The following PVT1 variants were observed in gnomAD, a reference collection of about 807,000 sequenced individuals.
PVT1 encodes the protein CXCR4/PVT1 fusion.
At chr8:127,897,657 G>C (rs964190498) in intron 3 of PVT1, among the ~76,000 whole-genome samples, 1 of 144,692 alleles carries the variant, frequency 6.9e-6, no homozygotes, top group African/African-American at 2.6e-5. Flanking sequence ...AAGACAGGAA[G>C]GAAGGAAGAA....
chr8:128,030,430 TA>T (rs1563670185), intron 4 of PVT1, among the ~76,000 whole-genome samples: 1 of 152,210 alleles, frequency 6.6e-6, no homozygotes, highest in Non-Finnish European at 1.5e-5. Flanking sequence ...TTTTTTCTGT[TA>T]GGGAATTTTT....
At chr8:127,926,754 C>A (rs1053440193) in intron 3 of PVT1, among the ~76,000 whole-genome samples, 2 of 152,206 alleles carry the variant, frequency 1.3e-5, no homozygotes, top group African/African-American at 4.8e-5. Flanking sequence ...GCAACACGTT[C>A]CCTTTCCTGA....
At chr8:128,072,564 A>C (rs769432136) in intron 5 of PVT1, among the ~76,000 whole-genome samples, 23 of 152,180 alleles carry the variant, frequency 1.5e-4, no homozygotes, top group Non-Finnish European at 2.5e-4. Flanking sequence ...ACACTGACAA[A>C]AAGTCTAAGA....
intron 2 of PVT1, among the ~76,000 whole-genome samples, chr8:127,798,131 G>A (rs981406786): frequency 1.3e-5 from 2 of 150,644 alleles, no homozygotes; most frequent in Admixed American, 6.6e-5. Context: ...GGTGAAACCC[G>A]GTCTCTACTA....
chr8:128,097,418 T>C (rs1814443332), intron 6 of PVT1, among the ~76,000 whole-genome samples: 2 of 152,144 alleles, frequency 1.3e-5, no homozygotes, highest in Admixed American at 1.3e-4. Flanking sequence ...GAGTGTTCTG[T>C]GCTTGTAAGA....
intron 2 of PVT1, among the ~76,000 whole-genome samples, chr8:127,796,877 CTT>C (rs34435526): frequency 6.6e-5 from 8 of 121,106 alleles, no homozygotes; most frequent in African/African-American, 9.2e-5. Context: ...TCTTGTTTTG[CTT>C]TTTTTTTTTT....
At chr8:128,007,692 G>A (rs1817263808) in intron 4 of PVT1, among the ~76,000 whole-genome samples, 1 of 152,212 alleles carries the variant, frequency 6.6e-6, no homozygotes, top group Non-Finnish European at 1.5e-5. Context: ...ACTTTTTGAT[G>A]TCTCCTGATA....
At chr8:128,002,968 TCTTCCTTCCTTC>T (rs71300289) in intron 4 of PVT1, among the ~76,000 whole-genome samples, 1 of 84,602 alleles carries the variant, frequency 1.2e-5, no homozygotes, top group Non-Finnish European at 2.3e-5. Context: ...CCTCCCTCCC[TCTTCCTTCCTTC>T]CTTCCTTCCT....
chr8:128,035,000 G>C (rs552455356), intron 4 of PVT1, among the ~76,000 whole-genome samples: 7 of 152,298 alleles, frequency 4.6e-5, no homozygotes, highest in Non-Finnish European at 7.3e-5. Flanking sequence ...AGCTATTATG[G>C]CTATTTTATT....
At chr8:127,985,812 G>A (rs1380330808) in intron 3 of PVT1, among the ~76,000 whole-genome samples, 1 of 152,194 alleles carries the variant, frequency 6.6e-6, no homozygotes, top group East Asian at 1.9e-4. Flanking sequence ...TCTATTTGCA[G>A]TGGGCGATGG....
At chr8:127,919,689 G>T (rs1329130491) in intron 3 of PVT1, among the ~76,000 whole-genome samples, 1 of 152,124 alleles carries the variant, frequency 6.6e-6, no homozygotes, top group Non-Finnish European at 1.5e-5. Context: ...CTCTGATCAG[G>T]GTCCCTACCT....
chr8:127,919,881 C>T (rs1407004042), intron 3 of PVT1, among the ~76,000 whole-genome samples: 1 of 152,186 alleles, frequency 6.6e-6, no homozygotes, highest in Non-Finnish European at 1.5e-5. Flanking sequence ...TTGGGGGTCT[C>T]CTGAATCTTA....
rs1815711996 is a variant in PVT1, at chr8:127,898,252, A to T, written n.782+7254A>T. On this transcript the variant is annotated intron_variant and non_coding_transcript_variant, in intron 3 of 10. Coordinates refer to ENST00000651587, the Ensembl canonical transcript of PVT1. The surrounding 1 kb of genome is among the most constrained non-coding windows in gnomAD (Gnocchi z 4.4). ...AAGAAAGAAAGAAAGAAACGAAGGAAGGAAGAAAGAAAGAGTGTAAAGAAA... is the reference window on the plus strand; with the variant it reads ...AAGAAAGAAAGAAAGAAACGAAGGATGGAAGAAAGAAAGAGTGTAAAGAAA... Among the ~76,000 whole-genome samples the T allele has an allele frequency of 6.6e-6, 1 of 152,194 alleles. No individual in the cohort carries two copies. The highest frequency in any genetic ancestry group is 1.5e-5 in the Non-Finnish European group (1 of 68,030).
chr8:127,880,003 G>T (rs1586419276), intron 2 of PVT1, among the ~76,000 whole-genome samples: 1 of 152,304 alleles, frequency 6.6e-6, no homozygotes, highest in East Asian at 1.9e-4. Context: ...TATTTCCAAG[G>T]TTTCTTGTGT....
chr8:127,913,566 TG>T (rs60968151), intron 3 of PVT1, among the ~76,000 whole-genome samples: 5,259 of 152,256 alleles, frequency 0.035, 328 homozygotes, highest in African/African-American at 0.12. Flanking sequence ...CTGCCCCATG[TG>T]GGGTCTGCAT....
At chr8:127,955,682 G>A (rs776738441) in intron 3 of PVT1, among the ~76,000 whole-genome samples, 2 of 151,584 alleles carry the variant, frequency 1.3e-5, no homozygotes, top group African/African-American at 2.4e-5. Context: ...TCCCAAGTTC[G>A]AGTGATTCTC....
intron 3 of PVT1, among the ~76,000 whole-genome samples, chr8:127,934,874 G>T (rs1453188945): frequency 6.6e-6 from 1 of 152,124 alleles, no homozygotes; most frequent in Non-Finnish European, 1.5e-5. Context: ...TGCTCCTGGG[G>T]CCAGATGGCG....
intron 2 of PVT1, among the ~76,000 whole-genome samples, chr8:127,826,932 ATCTGAAC>A (rs1234739675): frequency 4.6e-5 from 7 of 151,204 alleles, no homozygotes; most frequent in Non-Finnish European, 1.0e-4. Flanking sequence ...GTAGCTGTCT[ATCTGAAC>A]TCACGTGCCC....
intron 3 of PVT1, among the ~76,000 whole-genome samples, chr8:127,974,191 G>A (rs1344373303): frequency 1.3e-5 from 2 of 152,074 alleles, no homozygotes; most frequent in Non-Finnish European, 2.9e-5. Context: ...TGTGCCATGG[G>A]GCCTGGAGAG....
Sources: allele counts gnomAD v4.1 joint callset (sites outside exome capture counted in the v4.1 genomes callset), GRCh38; gene constraint gnomAD v4.1.1; non-coding constraint Gnocchi (gnomAD v3.1); transcripts MANE v1.5; gene names NCBI Gene and HGNC (gene_info 2026-07-23, HGNC 2026-07-21).